Variants in FBXW2 observed in about 807,000 individuals in gnomAD.
The protein encoded by FBXW2 is F-box/WD repeat-containing protein 2.
In FBXW2, 12 loss-of-function variants were observed where a neutral mutation model predicts 46.0. That is an observed-to-expected ratio of 0.26 (90% confidence interval 0.17 to 0.42). The LOEUF is 0.42. Among genes scored for constraint, FBXW2 ranks in the 10% least tolerant of loss-of-function variants. The probability of loss-of-function intolerance (pLI) is 1.00; values close to 1 mark genes in which losing one functional copy is unlikely to be tolerated. For missense variants in FBXW2, 360 were observed against 537.0 expected (o/e 0.67, Z 3.26); for synonymous variants, 203 against 209.6 (o/e 0.97, Z 0.27).
In FBXW2 at chr9:120,772,730, AAATT is replaced by A. The variant is rs750898371; in HGVS notation, c.906+20_906+23del. On this transcript the variant is annotated intron_variant, in intron 6 of 7. Coordinates refer to ENST00000608872, the MANE Select transcript of FBXW2 (RefSeq NM_012164.4). Reference sequence around the variant, plus strand: ...TTTTCCAGTTTTTCTTTAATGAAGCAAATTAATGGAGAAAAAAACTCACCTTAAT... The same window carrying A: ...TTTTCCAGTTTTTCTTTAATGAAGCAAATGGAGAAAAAAACTCACCTTAAT... 3 of 1,484,968 alleles carry A rather than the reference AAATT, an allele frequency of 2.0e-6. No homozygotes were observed. In the African/African-American group the frequency reaches 4.4e-5, roughly 22 times the overall value. 92.0% of individuals were successfully genotyped at this position (1,484,968 alleles called of 1,614,324 possible). A position where few individuals can be genotyped will look rare whatever the true frequency, so the allele number is the denominator to read the frequency against.
intron 7 of FBXW2, among the ~76,000 whole-genome samples, 156 bp downstream of exon 7, chr9:120,771,192 A>C (rs1053538862): frequency 9.2e-5 from 14 of 152,182 alleles, no homozygotes; most frequent in African/African-American, 3.1e-4. Context: ...TTCCTGTCTG[A>C]GATGTTCAGT....
At position 120,770,233 on chromosome 9, in the gene FBXW2, G is replaced by A. The variant is rs193245570; in HGVS notation, c.1076+1115C>T. ...CTACTAAAAATACAAAAAATTAGCCGGGCATGGTGGCGGGCGCCTGTAGTC... is the reference window on the plus strand; with the variant it reads ...CTACTAAAAATACAAAAAATTAGCCAGGCATGGTGGCGGGCGCCTGTAGTC... On this transcript the variant is annotated intron_variant, in intron 7 of 7. Transcript: ENST00000608872. Among the ~76,000 whole-genome samples the A allele has an allele frequency of 5.6e-3, 849 of 152,182 alleles. 11 individuals carry two copies. The highest frequency in any genetic ancestry group is 0.019 in the African/African-American group (792 of 41,506).
chr9:120,789,369 T>C (rs2044787071), intron 2 of FBXW2, among the ~76,000 whole-genome samples: 1 of 152,178 alleles, frequency 6.6e-6, no homozygotes, highest in Non-Finnish European at 1.5e-5. Flanking sequence ...CTGTAACAAA[T>C]AATTTTTTTT....
chr9:120,782,010 C>T (rs1430974808), intron 3 of FBXW2, among the ~76,000 whole-genome samples: 2 of 112,654 alleles, frequency 1.8e-5, no homozygotes, highest in African/African-American at 6.8e-5. Flanking sequence ...GCAACAAGTG[C>T]AAAACTCCGT....
chr9:120,777,898 A>C (rs1057331318), intron 4 of FBXW2, among the ~76,000 whole-genome samples: 2 of 152,180 alleles, frequency 1.3e-5, no homozygotes, highest in Non-Finnish European at 2.9e-5. Context: ...AACTGGATGT[A>C]ATCTGTGTAG....
At chr9:120,776,478 A>C in intron 4 of FBXW2, 2 of 414,872 alleles carry the variant, frequency 4.8e-6, no homozygotes, top group Non-Finnish European at 4.3e-6. Context: ...AGTGAGAGGC[A>C]AAACAAATGT....
Position 120,768,882 on chromosome 9 carries a change from G to A in FBXW2, c.1076+2466C>T, listed in dbSNP as rs1050307892. ...CTAGGAAAAACAGCTAGAAAGTCTGGTAGGTCCCACATCATAACAGAACAC... is the reference window on the plus strand; with the variant it reads ...CTAGGAAAAACAGCTAGAAAGTCTGATAGGTCCCACATCATAACAGAACAC... On this transcript the variant is annotated intron_variant, in intron 7 of 7. Coordinates refer to ENST00000608872, the MANE Select transcript of FBXW2 (RefSeq NM_012164.4). Among the ~76,000 whole-genome samples the A allele has an allele frequency of 5.9e-5, 9 of 152,034 alleles. No homozygotes were observed. The South Asian group carries it at 8.3e-4, about 14-fold the overall frequency.
At chr9:120,781,823 G>A (rs1433052772) in intron 3 of FBXW2, among the ~76,000 whole-genome samples, 1 of 152,000 alleles carries the variant, frequency 6.6e-6, no homozygotes, top group Non-Finnish European at 1.5e-5. Context: ...AGGAGTTTGA[G>A]ACCTGCCTTA....
At chr9:120,772,309 A>G (rs1668086108) in intron 6 of FBXW2, among the ~76,000 whole-genome samples, 1 of 151,996 alleles carries the variant, frequency 6.6e-6, no homozygotes, top group Non-Finnish European at 1.5e-5. Context: ...CCTGGCCAAT[A>G]TGGTGAACTC....
At chr9:120,790,015 A>G (rs1215631493) in intron 2 of FBXW2, among the ~76,000 whole-genome samples, 2 of 152,198 alleles carry the variant, frequency 1.3e-5, no homozygotes, top group Admixed American at 1.3e-4. Context: ...TTATCACGCA[A>G]TAACAAGCCC....
chr9:120,776,093 C>G lies in FBXW2; in HGVS notation c.819G>C (p.Lys273Asn). 1 of 1,613,384 alleles carries G rather than the reference C, an allele frequency of 6.2e-7. No individual in the cohort carries two copies. Among genetic ancestry groups the G allele is most frequent in the South Asian group, 1.1e-5 (1 of 90,938 alleles). Residue 273 changes from lysine (K) to asparagine (N), a missense_variant and splice_region_variant, in exon 5 of 8, where the codon AAG (lysine) becomes AAC (asparagine). Transcript: ENST00000608872. ...TLTGHTEWVTKVVLQKCKVKS... is the reference protein window; with the variant it reads ...TLTGHTEWVTNVVLQKCKVKS... ...GGAGACTTCTTCCAAGTCTTCCTAC[C>G]TTGGTGACCCATTCCGTGTGCCCGG...
Position 120,759,834 on chromosome 9 carries a change from GAC to G in FBXW2, c.*4723_*4724del, listed in dbSNP as rs2044170376. On this transcript the variant is annotated 3_prime_UTR_variant, in exon 8 of 8. Coordinates refer to ENST00000608872, the MANE Select transcript of FBXW2 (RefSeq NM_012164.4). ...TAAACAACTGAACTGTTCCAGGAAA[GAC>G]AAGAAACACTGAAACATCCTAACAG... 1 of 152,192 alleles carries G rather than the reference GAC, an allele frequency of 6.6e-6. No homozygotes were observed. Among genetic ancestry groups the G allele is most frequent in the African/African-American group, 2.4e-5 (1 of 41,446 alleles). The allele number at this position is 152,192 out of a possible 1,614,324, so 9.4% of individuals were successfully genotyped here. A position where few individuals can be genotyped will look rare whatever the true frequency, so the allele number is the denominator to read the frequency against.
chr9:120,782,857 A>C (rs112733402), intron 3 of FBXW2, among the ~76,000 whole-genome samples: 1,551 of 152,264 alleles, frequency 0.01, 19 homozygotes, highest in Non-Finnish European at 0.018. Flanking sequence ...TCTCAAAAGA[A>C]AACCCCCCCA....
At chr9:120,766,557 C>T (rs534974933) in intron 7 of FBXW2, among the ~76,000 whole-genome samples, 15 of 152,230 alleles carry the variant, frequency 9.9e-5, no homozygotes, top group Non-Finnish European at 1.6e-4. Context: ...TTCCACCTCC[C>T]GGATTCAAGC....
At chr9:120,777,812 A>G (rs2044530279) in intron 4 of FBXW2, among the ~76,000 whole-genome samples, 1 of 150,950 alleles carries the variant, frequency 6.6e-6, no homozygotes, top group African/African-American at 2.4e-5. Context: ...TACATTTATT[A>G]GGAAACATTC....
chr9:120,781,913 C>T (rs1010128778), intron 3 of FBXW2, among the ~76,000 whole-genome samples: 3 of 150,742 alleles, frequency 2.0e-5, no homozygotes, highest in Non-Finnish European at 1.5e-5. Flanking sequence ...ATCCCAGCTA[C>T]TTGGGAGGCT....
rs370078845 is a variant in FBXW2, at chr9:120,762,738, TG to T, written c.*1820del. The T allele has an allele frequency of 1.5e-4, 23 of 152,366 alleles. No individual in the cohort carries two copies. The highest frequency in any genetic ancestry group is 5.3e-4 in the African/African-American group (22 of 41,582). 9.4% of individuals were successfully genotyped at this position (152,366 alleles called of 1,614,324 possible). A position where few individuals can be genotyped will look rare whatever the true frequency, so the allele number is the denominator to read the frequency against. On this transcript the variant is annotated 3_prime_UTR_variant, in exon 8 of 8. Coordinates refer to ENST00000608872, the MANE Select transcript of FBXW2 (RefSeq NM_012164.4). ...GCAACCCTTTTTCTCACCTGTAAAA[TG>T]GATATGCTTTATACTGGAGTCAGCA... is the stretch of plus-strand genomic sequence containing the variant.
At chr9:120,765,223 T>C (rs914912477) in intron 7 of FBXW2, among the ~76,000 whole-genome samples, 5 of 151,896 alleles carry the variant, frequency 3.3e-5, no homozygotes, top group Admixed American at 6.6e-5. Context: ...GCCTCACAAG[T>C]AGCTGGGACT....
At chr9:120,781,099 CCAAAA>C (rs1428340094) in intron 3 of FBXW2, among the ~76,000 whole-genome samples, 5 of 151,808 alleles carry the variant, frequency 3.3e-5, no homozygotes, top group African/African-American at 7.2e-5. Context: ...GTTAGCCAGG[CCAAAA>C]CAAAACAAAA....
Sources: allele counts gnomAD v4.1 joint callset (sites outside exome capture counted in the v4.1 genomes callset), GRCh38; gene constraint gnomAD v4.1.1; transcripts MANE v1.5; gene names NCBI Gene and HGNC (gene_info 2026-07-23, HGNC 2026-07-21).